RGS9: variants seen among roughly 807,000 people sequenced by gnomAD.
RGS9 encodes the protein regulator of G protein signaling 9, also known as regulator of G-protein signalling 9.
A neutral mutation model predicts 102.0 loss-of-function variants in RGS9; 78 were observed. The ratio of observed to expected loss-of-function variants is 0.76; its 90% CI spans 0.64 to 0.92. The LOEUF is 0.92. Ranked by LOEUF, RGS9 falls within the 40% of genes least tolerant of loss-of-function variation. RGS9 has a pLI of 0.00. For missense variants in RGS9, 833 were observed against 866.1 expected (o/e 0.96, Z 0.48); for synonymous variants, 353 against 318.6 (o/e 1.11, Z -1.15).
chr17:65,165,617 T>C (rs1291993687), intron 7 of RGS9, among the ~76,000 whole-genome samples: 2 of 152,076 alleles, frequency 1.3e-5, no homozygotes, highest in Non-Finnish European at 2.9e-5. Context: ...TCCAAACCTC[T>C]TCCTCCAGTA....
chr17:65,207,392 G>GTTGTTAA (rs1348044914), intron 15 of RGS9, among the ~76,000 whole-genome samples: 2 of 152,174 alleles, frequency 1.3e-5, no homozygotes, highest in Admixed American at 6.5e-5. Flanking sequence ...TGTTCAGGTA[G>GTTGTTAA]TTGTTAATTG....
intron 9 of RGS9, 73 bp from the exon 10 acceptor site, chr17:65,189,213 T>G: frequency 9.1e-6 from 12 of 1,319,668 alleles, no homozygotes; most frequent in Non-Finnish European, 1.3e-5. Context: ...AGGATTTTTA[T>G]TTTTCAAATG....
At chr17:65,195,712 T>C (rs1257719572) in intron 12 of RGS9, among the ~76,000 whole-genome samples, 1 of 152,206 alleles carries the variant, frequency 6.6e-6, no homozygotes, top group Non-Finnish European at 1.5e-5. Context: ...CTGGGGAAGC[T>C]TAACAAAAAC....
intron 2 of RGS9, among the ~76,000 whole-genome samples, chr17:65,156,715 G>T (rs184242381): frequency 6.6e-6 from 1 of 152,192 alleles, no homozygotes; most frequent in South Asian, 2.1e-4. Flanking sequence ...CGGCTCCTCG[G>T]TGGAGAGAGC....
rs905149298 is a variant in RGS9 at position 65,173,438 on chromosome 17, A to G, written c.583-4294A>G. On this transcript the variant is annotated intron_variant, in intron 8 of 18. Transcript: ENST00000262406. This position sits in a 1 kb window ranked among gnomAD's most constrained non-coding sequence, Gnocchi z 4.8. ...GCTCTGTATGTGGGTTCCTGGGAACATCGCCTCCTCACGAGCAGTTGTCAC... is the reference window on the plus strand; with the variant it reads ...GCTCTGTATGTGGGTTCCTGGGAACGTCGCCTCCTCACGAGCAGTTGTCAC... Among the ~76,000 whole-genome samples the G allele has an allele frequency of 6.6e-6, 1 of 151,924 alleles. No individual in the cohort carries two copies. The highest frequency in any genetic ancestry group is 1.5e-5 in the Non-Finnish European group (1 of 68,008).
chr17:65,187,868 T>A (rs987571177), intron 9 of RGS9, among the ~76,000 whole-genome samples: 8 of 152,118 alleles, frequency 5.3e-5, no homozygotes, highest in African/African-American at 1.2e-4. Flanking sequence ...TGGTGGTGTG[T>A]GCCTGTAGTC....
intron 11 of RGS9, 70 bp from the exon 12 acceptor site, chr17:65,193,473 T>C (rs1043337978): frequency 5.4e-6 from 5 of 929,652 alleles, no homozygotes; most frequent in Admixed American, 3.4e-5. Context: ...GCCTGGTCAG[T>C]TGACCTGTGT....
chr17:65,190,149 C>A, intron 10 of RGS9, 26 bp from the exon 11 acceptor site: 2 of 1,592,236 alleles, frequency 1.3e-6, no homozygotes, highest in Admixed American at 1.7e-5. Flanking sequence ...GGGTTGAATA[C>A]CTTCTAACAA....
intron 6 of RGS9, 38 bp downstream of exon 6, chr17:65,160,947 A>G: frequency 6.6e-7 from 1 of 1,521,980 alleles, no homozygotes; most frequent in Non-Finnish European, 9.1e-7. Flanking sequence ...GTTATAATTG[A>G]GTGGAAGATA....
chr17:65,166,965 T>G (rs1911209122), intron 7 of RGS9, among the ~76,000 whole-genome samples: 1 of 152,136 alleles, frequency 6.6e-6, no homozygotes, highest in African/African-American at 2.4e-5. Context: ...AACGGGGAGA[T>G]GAATTCGCCG....
intron 17 of RGS9, among the ~76,000 whole-genome samples, chr17:65,218,663 T>A (rs1411596685): frequency 2.0e-5 from 3 of 152,240 alleles, no homozygotes; most frequent in African/African-American, 7.2e-5. Context: ...TTCCTCCCCC[T>A]TTCTTTCTGT....
In RGS9 at chr17:65,168,082, T is replaced by C. The variant is rs796478259; in HGVS notation, c.501-118T>C. 4.2e-5 allele frequency: 29 copies of C among 692,910 alleles called. No homozygotes were observed. In the African/African-American group the frequency reaches 5.1e-4, roughly 12 times the overall value. 42.9% of individuals were successfully genotyped at this position (692,910 alleles called of 1,614,324 possible). A position where few individuals can be genotyped will look rare whatever the true frequency, so the allele number is the denominator to read the frequency against. On this transcript the variant is annotated intron_variant, in intron 7 of 18. Transcript: ENST00000262406. ...CTTGCTGTGTTCATTACTATTACGG[T>C]ATATGTGAATTACTTGGGCAGGTTG... is the stretch of plus-strand genomic sequence containing the variant.
intron 12 of RGS9, among the ~76,000 whole-genome samples, chr17:65,196,638 G>T (rs1912596544): frequency 1.3e-5 from 2 of 149,854 alleles, no homozygotes; most frequent in Non-Finnish European, 3.0e-5. Flanking sequence ...GGTACAGGAG[G>T]AGCCACCGGC....
intron 8 of RGS9, among the ~76,000 whole-genome samples, chr17:65,174,933 A>G (rs960823113): frequency 6.6e-6 from 1 of 152,098 alleles, no homozygotes; most frequent in Admixed American, 6.5e-5. Context: ...ATCAGATCTC[A>G]TGAGAACTCA....
chr17:65,174,237 A>C (rs897503709), intron 8 of RGS9, among the ~76,000 whole-genome samples: 2 of 152,166 alleles, frequency 1.3e-5, no homozygotes, highest in Non-Finnish European at 2.9e-5. Flanking sequence ...GGCACATTGG[A>C]AGGAAAGAAC....
chr17:65,183,434 G>A (rs1911977660), intron 9 of RGS9, among the ~76,000 whole-genome samples: 1 of 152,020 alleles, frequency 6.6e-6, no homozygotes, highest in East Asian at 1.9e-4. Flanking sequence ...TTATTTATTC[G>A]TTTTGAGACC....
intron 12 of RGS9, among the ~76,000 whole-genome samples, chr17:65,194,649 G>T (rs1912514895): frequency 6.6e-6 from 1 of 152,120 alleles, no homozygotes; most frequent in Non-Finnish European, 1.5e-5. Flanking sequence ...GGAAGAGGGG[G>T]CAGAGGCAGA....
intron 3 of RGS9, 50 bp downstream of exon 3, chr17:65,158,395 A>G: frequency 1.3e-6 from 2 of 1,511,350 alleles, no homozygotes; most frequent in Non-Finnish European, 1.8e-6. Flanking sequence ...TGTGTACAGC[A>G]CCATGGGAGA....
chr17:65,191,390 T>C (rs1912361047), intron 11 of RGS9, among the ~76,000 whole-genome samples: 2 of 152,036 alleles, frequency 1.3e-5, no homozygotes, highest in Non-Finnish European at 2.9e-5. Flanking sequence ...TTGTTGTTGT[T>C]GTTTTTTACC....
Sources: allele counts gnomAD v4.1 joint callset (sites outside exome capture counted in the v4.1 genomes callset), GRCh38; gene constraint gnomAD v4.1.1; non-coding constraint Gnocchi (gnomAD v3.1); transcripts MANE v1.5; gene names NCBI Gene and HGNC (gene_info 2026-07-23, HGNC 2026-07-21).